PRKG1: variants seen among roughly 807,000 people sequenced by gnomAD.
PRKG1 encodes protein kinase cGMP-dependent 1.
A neutral mutation model predicts 88.1 loss-of-function variants in PRKG1; 35 were observed. The ratio of observed to expected loss-of-function variants is 0.40; its 90% CI spans 0.30 to 0.53. The LOEUF (loss-of-function observed/expected upper bound fraction) is 0.53. Ranked by LOEUF, PRKG1 falls within the 20% of genes least tolerant of loss-of-function variation. The pLI is 0.59. For missense variants in PRKG1, 540 were observed against 839.8 expected, an observed-to-expected ratio of 0.64 and a Z score of 4.41; for synonymous variants, 303 against 292.5, an observed-to-expected ratio of 1.04 and a Z score of -0.37.
chr10:51,166,223 A>C (rs938778378), intron 2 of PRKG1, among the ~76,000 whole-genome samples: 1 of 152,136 alleles, frequency 6.6e-6, no homozygotes, highest in Non-Finnish European at 1.5e-5. Flanking sequence ...TAAAAAAAAA[A>C]AAAAGATTTG....
intron 3 of PRKG1, among the ~76,000 whole-genome samples, chr10:51,728,451 T>TTTC (rs1842190049): frequency 1.1e-5 from 1 of 94,262 alleles, no homozygotes; most frequent in Non-Finnish European, 2.3e-5. Flanking sequence ...CATTTTTTCT[T>TTTC]TGTTTTTTTT....
At chr10:51,675,612 T>C (rs962642025) in intron 3 of PRKG1, among the ~76,000 whole-genome samples, 8 of 152,190 alleles carry the variant, frequency 5.3e-5, no homozygotes, top group Admixed American at 1.3e-4. Flanking sequence ...AGATGTCTAG[T>C]TACTTATCTA....
intron 2 of PRKG1, among the ~76,000 whole-genome samples, chr10:51,316,711 A>AATAAATAAATAAATAAATAAATAG (rs1486983595): frequency 6.6e-6 from 1 of 152,016 alleles, no homozygotes; most frequent in South Asian, 2.1e-4. Flanking sequence ...TAAATAAATA[A>AATAAATAAATAAATAAATAAATAG]AAAGACAAAA....
At chr10:51,147,062 A>G (rs1227273521) in intron 1 of PRKG1, among the ~76,000 whole-genome samples, 1 of 152,194 alleles carries the variant, frequency 6.6e-6, no homozygotes, top group Admixed American at 6.6e-5. Context: ...TAAATACTGC[A>G]TGTTCTCACT....
intron 3 of PRKG1, among the ~76,000 whole-genome samples, chr10:51,750,260 A>G (rs909809077): frequency 2.6e-5 from 4 of 152,090 alleles, no homozygotes; most frequent in African/African-American, 9.7e-5. Context: ...TAATCTCCAA[A>G]TATTAGCCAT....
intron 2 of PRKG1, among the ~76,000 whole-genome samples, chr10:51,179,618 A>G (rs992864794): frequency 6.6e-6 from 1 of 152,226 alleles, no homozygotes; most frequent in African/African-American, 2.4e-5. Flanking sequence ...TAGATTGGTC[A>G]TTCTTCTTGA....
intron 4 of PRKG1, among the ~76,000 whole-genome samples, chr10:51,862,237 G>A (rs1840895868): frequency 1.3e-5 from 2 of 152,280 alleles, no homozygotes; most frequent in African/African-American, 4.8e-5. Context: ...TGGCAAACAG[G>A]TGCATGTCAC....
intron 3 of PRKG1, among the ~76,000 whole-genome samples, chr10:51,712,221 C>T (rs1841770187): frequency 6.6e-6 from 1 of 152,172 alleles, no homozygotes; most frequent in African/African-American, 2.4e-5. Flanking sequence ...TGTTCAGTTT[C>T]TTCTTGGCAC....
chr10:51,334,380 C>T lies in PRKG1; in HGVS notation c.479-133343C>T, dbSNP rs988627961. Among the ~76,000 whole-genome samples the T allele has an allele frequency of 4.6e-5, 7 of 152,180 alleles. No homozygotes were observed. In the East Asian group the frequency reaches 7.7e-4, roughly 17 times the overall value. ...CCATCTGAAATTAATTTTCTGCCTG[C>T]TCTAGAATGCAAGTTATATGAGGGA... On this transcript the variant is annotated intron_variant, in intron 2 of 17. Coordinates refer to ENST00000373980, the MANE Select transcript of PRKG1 (RefSeq NM_006258.4).
intron 1 of PRKG1, among the ~76,000 whole-genome samples, chr10:51,042,493 G>A (rs191985259): frequency 6.6e-6 from 1 of 152,222 alleles, no homozygotes; most frequent in African/African-American, 2.4e-5. Flanking sequence ...CCATACTGTC[G>A]TATCCTCAAC....
intron 2 of PRKG1, among the ~76,000 whole-genome samples, chr10:51,284,914 C>CTTTTTTTTTTTTTTTT (rs1840399779): frequency 1.7e-5 from 1 of 57,840 alleles, no homozygotes. Flanking sequence ...TTTTATTATA[C>CTTTTTTTTTTTTTTTT]TTTAAGTTTT....
At chr10:51,146,172 G>C (rs1452876250) in intron 1 of PRKG1, among the ~76,000 whole-genome samples, 1 of 150,318 alleles carries the variant, frequency 6.7e-6, no homozygotes, top group Non-Finnish European at 1.5e-5. Context: ...CTGGGTGACA[G>C]AACAAGACTC....
At chr10:51,465,361 G>A (rs10823046) in intron 2 of PRKG1, among the ~76,000 whole-genome samples, 66,857 of 151,914 alleles carry the variant, frequency 0.44, 15,252 homozygotes, top group African/African-American at 0.49. Flanking sequence ...ATTAAACCCA[G>A]AGAGTCAGAG....
intron 3 of PRKG1, among the ~76,000 whole-genome samples, chr10:51,559,377 C>T (rs1165645101): frequency 2.0e-5 from 3 of 152,066 alleles, no homozygotes; most frequent in Non-Finnish European, 4.4e-5. Flanking sequence ...ATAATGCATA[C>T]AACTGATTGC....
chr10:51,072,435 CAGA>C (rs1843845352), upstream of PRKG1, among the ~76,000 whole-genome samples: 1 of 152,010 alleles, frequency 6.6e-6, no homozygotes, highest in African/African-American at 2.4e-5. Flanking sequence ...GCCTTTTGCC[CAGA>C]AGAAGGAAAT....
chr10:51,500,978 AG>A (rs1172883096), intron 3 of PRKG1, among the ~76,000 whole-genome samples: 2 of 152,166 alleles, frequency 1.3e-5, no homozygotes, highest in African/African-American at 4.8e-5. Context: ...GACAGGACCC[AG>A]GGAAGTTCTG....
At chr10:51,369,802 T>G (rs185804474) in intron 2 of PRKG1, among the ~76,000 whole-genome samples, 1 of 152,230 alleles carries the variant, frequency 6.6e-6, no homozygotes, top group Admixed American at 6.5e-5. Flanking sequence ...GTGTCCCCTA[T>G]GCACCTTATG....
chr10:51,218,528 TATAAAA>T (rs1838435408), intron 2 of PRKG1, among the ~76,000 whole-genome samples: 4 of 82,198 alleles, frequency 4.9e-5, no homozygotes, highest in Admixed American at 1.2e-4. Context: ...TATATATATA[TATAAAA>T]TGTGTGTATT....
chr10:51,370,968 A>T lies in PRKG1; in HGVS notation c.479-96755A>T, dbSNP rs1038498123. ...TTCTTAATTTGTCCTATAACTTTTT[A>T]AACTTTGTGTGCCCTACACCCTCTA... On this transcript the variant is annotated intron_variant, in intron 2 of 17. Transcript: ENST00000373980. 2.6e-5 allele frequency among the ~76,000 whole-genome samples: 4 copies of T among 152,080 alleles called. No homozygotes were observed. In the South Asian group the frequency reaches 8.3e-4, roughly 32 times the overall value.
Sources: allele counts gnomAD v4.1 joint callset (sites outside exome capture counted in the v4.1 genomes callset), GRCh38; gene constraint gnomAD v4.1.1; transcripts MANE v1.5; gene names NCBI Gene and HGNC (gene_info 2026-07-23, HGNC 2026-07-21).